Variants in IKBKB observed in about 807,000 individuals in gnomAD.
IKBKB encodes inhibitor of nuclear factor kappa-B kinase subunit beta.
IKBKB carries 42 observed loss-of-function variants against 113.6 expected under a neutral mutation model. The observed-to-expected ratio is 0.37, with a 90% confidence interval of 0.29 to 0.48. IKBKB has a LOEUF of 0.48. Ranked by LOEUF, IKBKB falls within the 20% of genes least tolerant of loss-of-function variation. The pLI is 0.99. For missense variants in IKBKB, 673 were observed against 939.7 expected, an observed-to-expected ratio of 0.72 and a Z score of 3.71; for synonymous variants, 296 against 361.3, an observed-to-expected ratio of 0.82 and a Z score of 2.05.
At position 42,316,234 on chromosome 8, in the gene IKBKB, G is replaced by A. The variant is rs1463565727; in HGVS notation, c.825G>A (p.Lys275=). The part of the protein sequence containing the change: ...LNSVLAERLE[K]WLQLMLMWHP... ...GTGTCCTGGCTGAGCGACTGGAGAA[G>A]TGGCTGCAACTGATGCTGATGTGGC... The change falls in exon 10 of 22, where the codon AAG becomes AAA. Residue 275 remains lysine (K), a synonymous_variant. Transcript: ENST00000520810. The surrounding 1 kb of genome is among the most constrained non-coding windows in gnomAD (Gnocchi z 4.5). The A allele has an allele frequency of 1.2e-6, 2 of 1,614,094 alleles. No individual in the cohort carries two copies. The highest frequency in any genetic ancestry group is 1.7e-6 in the Non-Finnish European group (2 of 1,180,044).
chr8:42,294,163 T>A (rs74702344), intron 5 of IKBKB, among the ~76,000 whole-genome samples: 3,294 of 152,250 alleles, frequency 0.022, 123 homozygotes, highest in South Asian at 0.15. Flanking sequence ...TTGTTTTTTT[T>A]AAAAAATAAT....
chr8:42,329,063 G>A, intron 20 of IKBKB, 61 bp from the exon 21 acceptor site: 1 of 1,227,768 alleles, frequency 8.1e-7, no homozygotes, highest in South Asian at 1.3e-5. Context: ...TTTTAAAATA[G>A]CAGTGTTAGC....
chr8:42,299,501 C>G (rs1254755686), intron 5 of IKBKB, among the ~76,000 whole-genome samples: 1 of 151,734 alleles, frequency 6.6e-6, no homozygotes, highest in Non-Finnish European at 1.5e-5. Context: ...GGAACCCACC[C>G]GCCAGCCTCC....
intron 2 of IKBKB, among the ~76,000 whole-genome samples, chr8:42,283,342 CCTATGA>C (rs1308348621): frequency 6.6e-6 from 1 of 152,148 alleles, no homozygotes; most frequent in Non-Finnish European, 1.5e-5. Flanking sequence ...AATCCCTGAA[CCTATGA>C]CTGGGTGGGG....
intron 18 of IKBKB, 71 bp from the exon 19 acceptor site, chr8:42,322,276 A>G (rs1819920526): frequency 2.5e-6 from 4 of 1,590,272 alleles, no homozygotes; most frequent in East Asian, 2.2e-5. Context: ...TGCTGACTGG[A>G]TGCACAGCTG....
At chr8:42,295,485 G>T (rs373096284) in intron 5 of IKBKB, among the ~76,000 whole-genome samples, 2 of 152,314 alleles carry the variant, frequency 1.3e-5, no homozygotes, top group East Asian at 3.9e-4. Flanking sequence ...CCAGCACTTT[G>T]GGGGGCTGAT....
chr8:42,307,933 C>T (rs1816864977), intron 7 of IKBKB, among the ~76,000 whole-genome samples: 1 of 152,174 alleles, frequency 6.6e-6, no homozygotes, highest in South Asian at 2.1e-4. Context: ...TTTTGCTTGC[C>T]CCAGTCATTT....
At chr8:42,303,912 T>C (rs1815955457) in intron 5 of IKBKB, among the ~76,000 whole-genome samples, 2 of 152,250 alleles carry the variant, frequency 1.3e-5, no homozygotes, top group Admixed American at 6.5e-5. Context: ...TCCCCACCTC[T>C]CTTATCTTTT....
At chr8:42,278,555 C>T (rs1017934084) in intron 2 of IKBKB, among the ~76,000 whole-genome samples, 22 of 152,260 alleles carry the variant, frequency 1.4e-4, no homozygotes, top group African/African-American at 4.8e-4. Context: ...TTTAATAGCC[C>T]GCTCCGGCCT....
At chr8:42,329,516 C>G (rs1585843269) in intron 21 of IKBKB, 1 of 876,852 alleles carries the variant, frequency 1.1e-6, no homozygotes, top group Non-Finnish European at 1.4e-6. Context: ...TTATAATTTT[C>G]TAGTACACAT....
rs1396185442 is a variant in IKBKB at position 42,275,531 on chromosome 8, TGTG to T, written c.105+3329_105+3331del. 4.6e-5 allele frequency among the ~76,000 whole-genome samples: 7 copies of T among 152,260 alleles called. No individual in the cohort carries two copies. The East Asian group carries it at 9.7e-4, about 21-fold the overall frequency. On this transcript the variant is annotated intron_variant, in intron 2 of 21. Coordinates refer to ENST00000520810, the MANE Select transcript of IKBKB (RefSeq NM_001556.3). ...TAGCTCCCACGGATGAGTGAGAACATGTGGTATTTATCTCCCTGGGCCTGGCTT... is the reference window on the plus strand; with the variant it reads ...TAGCTCCCACGGATGAGTGAGAACATGTATTTATCTCCCTGGGCCTGGCTT...
At position 42,316,369 on chromosome 8, in the gene IKBKB, CA is replaced by C; in HGVS notation, c.930+34del. 6.2e-7 allele frequency: 1 copy of C among 1,613,312 alleles called. No homozygotes were observed. Reference sequence around the variant, plus strand: ...GTGTGGAGCCAAGTTAGCCCTGAGGCAAAAGCTGGGGTCCCCAGTGGAACAT... The same window carrying C: ...GTGTGGAGCCAAGTTAGCCCTGAGGCAAAGCTGGGGTCCCCAGTGGAACAT... On this transcript the variant is annotated intron_variant, in intron 10 of 21. Transcript: ENST00000520810. The surrounding 1 kb of genome is among the most constrained non-coding windows in gnomAD (Gnocchi z 4.5).
chr8:42,288,177 A>G (rs925617785), intron 2 of IKBKB, among the ~76,000 whole-genome samples: 1 of 152,098 alleles, frequency 6.6e-6, no homozygotes, highest in Non-Finnish European at 1.5e-5. Context: ...ACTTGAGGTC[A>G]GGAATTCAAG....
At position 42,331,851 on chromosome 8, in the gene IKBKB, G is replaced by A. The variant is rs943448605; in HGVS notation, c.*872G>A. On this transcript the variant is annotated 3_prime_UTR_variant, in exon 22 of 22. Transcript: ENST00000520810. The stretch of plus-strand genomic sequence containing the variant: ...CCTGCTCAAGCGTGTGTGCTGGGCC[G>A]GGGAGTCCCTGTCTCTCACAGCATC... 4.9e-5 allele frequency: 10 copies of A among 202,350 alleles called. 1 individual carries two copies. The highest frequency in any genetic ancestry group is 3.3e-4 in the South Asian group (4 of 12,060). 12.5% of individuals were successfully genotyped at this position (202,350 alleles called of 1,614,324 possible).
At chr8:42,324,272 C>CT (rs1047731037) in intron 19 of IKBKB, among the ~76,000 whole-genome samples, 10 of 151,184 alleles carry the variant, frequency 6.6e-5, no homozygotes, top group East Asian at 1.9e-4. Flanking sequence ...GCTTCATTTT[C>CT]TTTTTTTTTC....
At chr8:42,324,131 A>T (rs1439067992) in intron 19 of IKBKB, among the ~76,000 whole-genome samples, 1 of 152,168 alleles carries the variant, frequency 6.6e-6, no homozygotes, top group Non-Finnish European at 1.5e-5. Context: ...GGACAGAGAC[A>T]CTGCTTTATC....
intron 5 of IKBKB, among the ~76,000 whole-genome samples, chr8:42,300,375 T>C (rs1028665013): frequency 6.6e-6 from 1 of 152,196 alleles, no homozygotes; most frequent in Non-Finnish European, 1.5e-5. Context: ...CTAACCTCTA[T>C]CTCAGCCTTT....
intron 2 of IKBKB, among the ~76,000 whole-genome samples, chr8:42,278,085 C>T (rs1261465719): frequency 6.6e-6 from 1 of 152,172 alleles, no homozygotes; most frequent in Non-Finnish European, 1.5e-5. Flanking sequence ...TGGGATCAGT[C>T]AGTGTCAGAG....
At chr8:42,284,038 T>A (rs1025031230) in intron 2 of IKBKB, among the ~76,000 whole-genome samples, 1 of 152,282 alleles carries the variant, frequency 6.6e-6, no homozygotes, top group African/African-American at 2.4e-5. Flanking sequence ...CTCTGCAAAC[T>A]CCGCCTAACT....
Sources: allele counts gnomAD v4.1 joint callset (sites outside exome capture counted in the v4.1 genomes callset), GRCh38; gene constraint gnomAD v4.1.1; non-coding constraint Gnocchi (gnomAD v3.1); transcripts MANE v1.5; gene names NCBI Gene and HGNC (gene_info 2026-07-23, HGNC 2026-07-21).